SPTLC3: variants seen among roughly 807,000 people sequenced by gnomAD.
The protein encoded by SPTLC3 is serine palmitoyltransferase 3.
In SPTLC3, 36 loss-of-function variants were observed where a neutral mutation model predicts 59.3. The ratio of observed to expected loss-of-function variants is 0.61; its 90% CI spans 0.47 to 0.80. The LOEUF (loss-of-function observed/expected upper bound fraction) is 0.80. Ranked by LOEUF, SPTLC3 falls within the 30% of genes least tolerant of loss-of-function variation. The pLI is 0.00. For synonymous variants in SPTLC3, 257 were observed against 240.8 expected (o/e 1.07, Z -0.62); for missense variants, 625 against 685.1 (o/e 0.91, Z 0.98).
At chr20:13,040,945 A>G (rs1986955993) in intron 1 of SPTLC3, among the ~76,000 whole-genome samples, 2 of 152,050 alleles carry the variant, frequency 1.3e-5, no homozygotes, top group African/African-American at 4.8e-5. Context: ...TTCTACTCCA[A>G]AGAAAGCTGT....
chr20:13,105,530 C>T (rs1478127825), intron 6 of SPTLC3, among the ~76,000 whole-genome samples: 1 of 152,104 alleles, frequency 6.6e-6, no homozygotes, highest in African/African-American at 2.4e-5. Flanking sequence ...CTTTAGGACT[C>T]GTGGTGTTCA....
intron 3 of SPTLC3, chr20:13,073,888 C>T (rs975079346): frequency 3.6e-5 from 20 of 552,780 alleles, no homozygotes; most frequent in African/African-American, 1.5e-4. Context: ...ATAGGACGGT[C>T]CTGTTTGTTG....
chr20:13,088,113 A>G (rs1402934491), intron 4 of SPTLC3, among the ~76,000 whole-genome samples: 2 of 152,220 alleles, frequency 1.3e-5, no homozygotes, highest in Non-Finnish European at 2.9e-5. Context: ...TCTTGGAACC[A>G]TTCCCATTGG....
rs2038983562 is a variant in SPTLC3, at chr20:13,166,335, G to A, written c.*1468G>A. 1 of 152,430 alleles carries A rather than the reference G, an allele frequency of 6.6e-6. No homozygotes were observed. The highest frequency in any genetic ancestry group is 2.4e-5 in the African/African-American group (1 of 41,396). The allele number at this position is 152,430 out of a possible 1,614,324, so 9.4% of individuals were successfully genotyped here. On this transcript the variant is annotated 3_prime_UTR_variant, in exon 12 of 12. Coordinates refer to ENST00000399002, the MANE Select transcript of SPTLC3 (RefSeq NM_018327.4). ...CCCTGATGCTCAAAGCGTATTAAAG[G>A]AAAAAAAGTGATCAGCATGGAAAGT...
chr20:13,032,781 G>T (rs1435983996), intron 1 of SPTLC3, among the ~76,000 whole-genome samples: 1 of 152,126 alleles, frequency 6.6e-6, no homozygotes, highest in Non-Finnish European at 1.5e-5. Context: ...CCTTGCTGAA[G>T]CCTTGGCCCT....
At chr20:13,016,022 G>C (rs1311390040) in intron 1 of SPTLC3, among the ~76,000 whole-genome samples, 1 of 151,766 alleles carries the variant, frequency 6.6e-6, no homozygotes, top group Non-Finnish European at 1.5e-5. Context: ...CCAGGAAAAT[G>C]TTTAAAATTT....
intron 7 of SPTLC3, among the ~76,000 whole-genome samples, chr20:13,116,007 A>C (rs1568609589): frequency 6.6e-6 from 1 of 152,230 alleles, no homozygotes; most frequent in Non-Finnish European, 1.5e-5. Context: ...TGTTGGAATT[A>C]ACTCACAAAC....
At chr20:13,057,327 A>G (rs551754788) in intron 2 of SPTLC3, among the ~76,000 whole-genome samples, 8 of 151,976 alleles carry the variant, frequency 5.3e-5, no homozygotes, top group South Asian at 4.2e-4. Flanking sequence ...AAAAATTATG[A>G]TTTTTTAAAA....
In SPTLC3 at chr20:13,093,481, C is replaced by T; in HGVS notation, c.733-3C>T. 1 of 1,612,712 alleles carries T rather than the reference C, an allele frequency of 6.2e-7. No individual in the cohort carries two copies. Among genetic ancestry groups the T allele is most frequent in the South Asian group, 1.1e-5 (1 of 90,908 alleles). Reference sequence around the variant, plus strand: ...GTGTTTTGTGTGCTTGTTTTCTGCACAGGGATGCCTCATTTTAAGTGATGA... The same window carrying T: ...GTGTTTTGTGTGCTTGTTTTCTGCATAGGGATGCCTCATTTTAAGTGATGA... On this transcript the variant is annotated splice_region_variant and splice_polypyrimidine_tract_variant and intron_variant, in intron 5 of 11. Coordinates refer to ENST00000399002, the MANE Select transcript of SPTLC3 (RefSeq NM_018327.4).
chr20:13,138,483 C>T (rs1278776079), intron 9 of SPTLC3, among the ~76,000 whole-genome samples: 2 of 152,172 alleles, frequency 1.3e-5, no homozygotes, highest in Non-Finnish European at 2.9e-5. Flanking sequence ...GTCACACACA[C>T]CCCTAACCCA....
At chr20:13,047,619 A>G (rs7353589) in intron 1 of SPTLC3, among the ~76,000 whole-genome samples, 2 of 152,120 alleles carry the variant, frequency 1.3e-5, no homozygotes, top group Non-Finnish European at 2.9e-5. Flanking sequence ...TTAGCATTAG[A>G]GATACGTATT....
chr20:13,160,861 G>T (rs1400187742), intron 11 of SPTLC3, among the ~76,000 whole-genome samples: 1 of 152,210 alleles, frequency 6.6e-6, no homozygotes, highest in East Asian at 1.9e-4. Flanking sequence ...TGAAGGTGGG[G>T]TGAATTATTA....
intron 4 of SPTLC3, among the ~76,000 whole-genome samples, chr20:13,079,585 C>T (rs1382806844): frequency 6.6e-6 from 1 of 152,202 alleles, no homozygotes; most frequent in East Asian, 1.9e-4. Flanking sequence ...ACTACTGAGA[C>T]AATTCAAATA....
chr20:13,094,577 C>T lies in SPTLC3; in HGVS notation c.826+1000C>T, dbSNP rs184822012. On this transcript the variant is annotated intron_variant, in intron 6 of 11. Transcript: ENST00000399002. ...TTTGAAGTGACAAGAAGAAGGCTGA[C>T]GGAGAACTGAGGAAGAATTGTTTCA... 9.8e-5 allele frequency among the ~76,000 whole-genome samples: 15 copies of T among 152,290 alleles called. No homozygotes were observed. The East Asian group carries it at 2.7e-3, about 27-fold the overall frequency.
chr20:13,030,380 C>T (rs1387642242), intron 1 of SPTLC3, among the ~76,000 whole-genome samples: 2 of 152,282 alleles, frequency 1.3e-5, no homozygotes, highest in Non-Finnish European at 2.9e-5. Flanking sequence ...AATGACTAAC[C>T]ACAAATCACT....
At chr20:13,120,313 A>T (rs376827963) in intron 8 of SPTLC3, among the ~76,000 whole-genome samples, 1 of 152,214 alleles carries the variant, frequency 6.6e-6, no homozygotes, top group East Asian at 1.9e-4. Context: ...ATTGCAAAAT[A>T]GCTAGGATTC....
chr20:13,022,682 G>T (rs1156233950), intron 1 of SPTLC3, among the ~76,000 whole-genome samples: 1 of 152,134 alleles, frequency 6.6e-6, no homozygotes, highest in Non-Finnish European at 1.5e-5. Flanking sequence ...AAGGGGAGGA[G>T]ATTAGCCTGT....
intron 3 of SPTLC3, chr20:13,073,817 C>T (rs1157730900): frequency 5.0e-6 from 3 of 594,094 alleles, no homozygotes; most frequent in Non-Finnish European, 9.9e-6. Context: ...AAGTTGGCCC[C>T]AACTCAGTTT....
chr20:13,123,522 C>A (rs774667561), intron 8 of SPTLC3, among the ~76,000 whole-genome samples: 1 of 152,122 alleles, frequency 6.6e-6, no homozygotes, highest in Non-Finnish European at 1.5e-5. Context: ...CATGGTCACA[C>A]GGCAGTAAGT....
Sources: allele counts gnomAD v4.1 joint callset (sites outside exome capture counted in the v4.1 genomes callset), GRCh38; gene constraint gnomAD v4.1.1; transcripts MANE v1.5; gene names NCBI Gene and HGNC (gene_info 2026-07-23, HGNC 2026-07-21).